Variants in ANXA4 observed in about 807,000 individuals in gnomAD.
The protein encoded by ANXA4 is annexin A4.
ANXA4 carries 39 observed loss-of-function variants against 49.8 expected under a neutral mutation model. The observed-to-expected ratio is 0.78, with a 90% CI of 0.61 to 1.02. The LOEUF (loss-of-function observed/expected upper bound fraction) is 1.02. Among genes scored for constraint, ANXA4 ranks in the 50% least tolerant of loss-of-function variants. The probability of loss-of-function intolerance (pLI) is 0.00; values close to 1 mark genes in which losing one functional copy is unlikely to be tolerated. For missense variants in ANXA4, 360 were observed against 410.1 expected, an observed-to-expected ratio of 0.88 and a Z score of 1.05; for synonymous variants, 134 against 152.5, an observed-to-expected ratio of 0.88 and a Z score of 0.89.
intron 3 of ANXA4, among the ~76,000 whole-genome samples, chr2:69,731,513 A>C (rs901050999): frequency 4.6e-5 from 7 of 152,210 alleles, no homozygotes; most frequent in African/African-American, 1.7e-4. Context: ...ATCCACCTAG[A>C]GTATTTGTGA....
intron 1 of ANXA4, among the ~76,000 whole-genome samples, chr2:69,648,963 G>A (rs113886193): frequency 7.5e-6 from 1 of 133,052 alleles, no homozygotes; most frequent in African/African-American, 2.9e-5. Flanking sequence ...TTGGCTCACC[G>A]CAACCTCCGC....
intron 3 of ANXA4, among the ~76,000 whole-genome samples, chr2:69,791,589 G>T (rs940634479): frequency 2.0e-5 from 3 of 152,140 alleles, no homozygotes; most frequent in Non-Finnish European, 4.4e-5. Context: ...ATAAAATAAG[G>T]ATTAGCCGTG....
intron 2 of ANXA4, 107 bp downstream of exon 2, chr2:69,781,681 G>A (rs922690288): frequency 1.5e-6 from 2 of 1,331,594 alleles, no homozygotes; most frequent in Non-Finnish European, 2.1e-6. Context: ...CTCAACAGAG[G>A]GGAAGGAGGA....
At chr2:69,693,779 C>T (rs1678060979) in intron 2 of ANXA4, among the ~76,000 whole-genome samples, 1 of 152,136 alleles carries the variant, frequency 6.6e-6, no homozygotes, top group Non-Finnish European at 1.5e-5. Context: ...CTATGGGGAA[C>T]AATATTTGCA....
intron 2 of ANXA4, among the ~76,000 whole-genome samples, chr2:69,717,229 T>C (rs779611679): frequency 1.3e-5 from 2 of 152,194 alleles, no homozygotes; most frequent in Non-Finnish European, 2.9e-5. Context: ...ATGCATTTTG[T>C]TTGGCTTGTT....
At chr2:69,729,589 C>T (rs12616553) in intron 3 of ANXA4, among the ~76,000 whole-genome samples, 33,453 of 152,058 alleles carry the variant, frequency 0.22, 4,169 homozygotes, top group South Asian at 0.31. Context: ...CCAGGACAGC[C>T]GCCCCACAAC....
chr2:69,779,127 A>C (rs1461226635), intron 1 of ANXA4, among the ~76,000 whole-genome samples: 1 of 150,924 alleles, frequency 6.6e-6, no homozygotes, highest in Admixed American at 6.6e-5. Flanking sequence ...AAAAAAAAAA[A>C]AAAAAAGGAA....
intron 1 of ANXA4, among the ~76,000 whole-genome samples, chr2:69,762,441 C>T (rs1194755024): frequency 1.3e-5 from 2 of 151,578 alleles, no homozygotes; most frequent in African/African-American, 4.9e-5. Flanking sequence ...CCACCACGTG[C>T]ACCTTTCTGT....
chr2:69,776,703 G>T (rs1671974573), intron 1 of ANXA4, among the ~76,000 whole-genome samples: 1 of 151,964 alleles, frequency 6.6e-6, no homozygotes, highest in African/African-American at 2.4e-5. Flanking sequence ...AATTGTCTTG[G>T]ACCACACATA....
chr2:69,704,387 C>T (rs1420504080), intron 2 of ANXA4, among the ~76,000 whole-genome samples: 1 of 152,170 alleles, frequency 6.6e-6, no homozygotes, highest in East Asian at 1.9e-4. Context: ...ACAAACCACC[C>T]AATACTTAGC....
At chr2:69,810,408 G>T (rs1345299884) in intron 6 of ANXA4, 186 bp from the exon 7 acceptor site, 3 of 590,094 alleles carry the variant, frequency 5.1e-6, no homozygotes, top group African/African-American at 1.9e-5. Flanking sequence ...CGTGTGACAG[G>T]ATAAGCTGAT....
intron 8 of ANXA4, among the ~76,000 whole-genome samples, chr2:69,813,284 T>C (rs1673790022): frequency 6.6e-6 from 1 of 151,920 alleles, no homozygotes; most frequent in Non-Finnish European, 1.5e-5. Context: ...GTTTCACTCT[T>C]GTTGCCCAGG....
At chr2:69,733,628 GAA>G (rs1670164817) in intron 3 of ANXA4, among the ~76,000 whole-genome samples, 1 of 147,340 alleles carries the variant, frequency 6.8e-6, no homozygotes, top group Non-Finnish European at 1.5e-5. Context: ...AAAAAAAAAA[GAA>G]AAGACAGGAA....
chr2:69,698,997 A>T (rs1316579128), intron 2 of ANXA4, among the ~76,000 whole-genome samples: 1 of 152,224 alleles, frequency 6.6e-6, no homozygotes, highest in East Asian at 1.9e-4. Context: ...AGCCTGGAAA[A>T]TAGACTATAC....
chr2:69,677,766 A>C (rs1227797186), intron 2 of ANXA4, among the ~76,000 whole-genome samples: 1 of 152,140 alleles, frequency 6.6e-6, no homozygotes, highest in East Asian at 1.9e-4. Flanking sequence ...ATTTCTCCAC[A>C]GAAGCAGGTG....
intron 3 of ANXA4, among the ~76,000 whole-genome samples, chr2:69,789,378 G>A (rs544043868): frequency 2.6e-5 from 4 of 152,146 alleles, no homozygotes; most frequent in Non-Finnish European, 2.9e-5. Context: ...CCTTGAGTCC[G>A]TCTGCTTGTT....
At chr2:69,795,524 C>T (rs1206863756) in intron 3 of ANXA4, among the ~76,000 whole-genome samples, 3 of 152,114 alleles carry the variant, frequency 2.0e-5, no homozygotes, top group Admixed American at 6.5e-5. Flanking sequence ...AGGACTGTTA[C>T]AGGGTCTGAG....
chr2:69,736,600 G>GA (rs773807756), intron 3 of ANXA4, among the ~76,000 whole-genome samples: 6 of 151,668 alleles, frequency 4.0e-5, no homozygotes, highest in Non-Finnish European at 8.8e-5. Context: ...CCTTTTTTTA[G>GA]AAAAAAGTTT....
At chr2:69,755,785 G>A (rs1306754081) in intron 1 of ANXA4, among the ~76,000 whole-genome samples, 1 of 152,128 alleles carries the variant, frequency 6.6e-6, no homozygotes, top group Non-Finnish European at 1.5e-5. Context: ...CAAGCTGATT[G>A]TTAAAAATAG....
Sources: gnomAD v4.1 joint callset for allele counts (sites outside exome capture counted in the v4.1 genomes callset) on GRCh38, gnomAD v4.1.1 for gene constraint, MANE v1.5 for transcripts, NCBI Gene and HGNC (gene_info 2026-07-23, HGNC 2026-07-21) for gene names.